Variants in NOS1 observed in about 807,000 individuals in gnomAD.
NOS1 encodes nitric oxide synthase 1.
A neutral mutation model predicts 164.5 loss-of-function variants in NOS1; 51 were observed. That is an observed-to-expected ratio of 0.31 (90% CI 0.25 to 0.39). NOS1 has a LOEUF of 0.39. NOS1 is among the 10% of genes least tolerant of loss of function. The pLI is 1.00. For synonymous variants in NOS1, 719 were observed against 745.8 expected (o/e 0.96, Z 0.59); for missense variants, 1,362 against 1,885.6 (o/e 0.72, Z 5.14).
At chr12:117,228,643 C>T (rs912270793) in intron 22 of NOS1, among the ~76,000 whole-genome samples, 1 of 152,170 alleles carries the variant, frequency 6.6e-6, no homozygotes, top group Non-Finnish European at 1.5e-5. Context: ...TCTCAGAAGA[C>T]GCCCTAGGCA....
chr12:117,212,932 A>T lies in NOS1; in HGVS notation c.*2377T>A. The T allele has an allele frequency of 4.1e-6, 4 of 985,446 alleles. No homozygotes were observed. The highest frequency in any genetic ancestry group is 4.8e-6 in the Non-Finnish European group (4 of 829,932). The allele number at this position is 985,446 out of a possible 1,614,324, so 61.0% of individuals were successfully genotyped here. A position where few individuals can be genotyped will look rare whatever the true frequency, so the allele number is the denominator to read the frequency against. On this transcript the variant is annotated 3_prime_UTR_variant, in exon 29 of 29. Transcript: ENST00000317775. ...CCTGCCTTCTAGCCTGGAGTTGTGA[A>T]GCAGCTTGTGTTGGGGATTGAAAGG...
intron 3 of NOS1, among the ~76,000 whole-genome samples, chr12:117,294,484 C>T (rs1358232004): frequency 2.0e-5 from 3 of 152,146 alleles, no homozygotes; most frequent in Non-Finnish European, 2.9e-5. Flanking sequence ...CTGGATTGCA[C>T]ACTTGAAACC....
At chr12:117,226,508 T>C (rs1359214481) in intron 24 of NOS1, among the ~76,000 whole-genome samples, 175 bp downstream of exon 24, 1 of 152,220 alleles carries the variant, frequency 6.6e-6, no homozygotes, top group East Asian at 1.9e-4. Context: ...CCTAGCTTGC[T>C]GTGCTGCTCT....
At chr12:117,255,906 C>T (rs1871401322) in intron 16 of NOS1, 2 of 1,403,736 alleles carry the variant, frequency 1.4e-6, no homozygotes, top group African/African-American at 1.5e-5. Flanking sequence ...CACTCGCACA[C>T]ACCTGCGTGT....
chr12:117,290,719 A>T (rs1296693591), intron 3 of NOS1, among the ~76,000 whole-genome samples: 1 of 152,136 alleles, frequency 6.6e-6, no homozygotes, highest in Admixed American at 6.5e-5. Flanking sequence ...GGTCGGACAC[A>T]CTGAGGAAGG....
At position 117,210,744 on chromosome 12, in the gene NOS1, G is replaced by A; in HGVS notation, c.*4565C>T. ...CAGGCAGCTGCTGAAAGCGTGTTTG[G>A]TCAGAAGATTCTGTGTTCTTAGCCA... On this transcript the variant is annotated 3_prime_UTR_variant, in exon 29 of 29. Transcript: ENST00000317775. 3 of 985,332 alleles carry A rather than the reference G, an allele frequency of 3.0e-6. No individual in the cohort carries two copies. Among genetic ancestry groups the A allele is most frequent in the Non-Finnish European group, 3.6e-6 (3 of 829,962 alleles). The allele number at this position is 985,332 out of a possible 1,614,324, so 61.0% of individuals were successfully genotyped here. A position where few individuals can be genotyped will look rare whatever the true frequency, so the allele number is the denominator to read the frequency against.
At position 117,264,788 on chromosome 12, in the gene NOS1, C is replaced by T. The variant is rs373569309; in HGVS notation, c.2136+528G>A. Reference sequence around the variant, plus strand: ...AGGCTGGAGTTCAGTGGCTTGATATCGGCTCACTGCAACCTCCACCTCCTG... The same window carrying T: ...AGGCTGGAGTTCAGTGGCTTGATATTGGCTCACTGCAACCTCCACCTCCTG... On this transcript the variant is annotated intron_variant, in intron 12 of 28. Transcript: ENST00000317775. 1.3e-3 allele frequency among the ~76,000 whole-genome samples: 204 copies of T among 151,234 alleles called. No individual in the cohort carries two copies. In the Middle Eastern group the frequency reaches 0.02, roughly 15 times the overall value.
At chr12:117,314,248 G>C (rs1475466229) in intron 2 of NOS1, among the ~76,000 whole-genome samples, 1 of 152,146 alleles carries the variant, frequency 6.6e-6, no homozygotes, top group Non-Finnish European at 1.5e-5. Flanking sequence ...TTGATTACAG[G>C]CATTTCCCAA....
rs752437630 is a variant in NOS1 at position 117,253,615 on chromosome 12, G to A, written c.2648+23C>T. On this transcript the variant is annotated intron_variant, in intron 17 of 28. Transcript: ENST00000317775. ...GGAGCCTTAGTCTTCCCTGACCCCC[G>A]ACCCCCTTATCCCCTTGCTCACCTC... The A allele has an allele frequency of 3.9e-5, 60 of 1,547,992 alleles. No individual in the cohort carries two copies. The Admixed American group carries it at 6.9e-4, about 18-fold the overall frequency.
At chr12:117,251,695 T>C (rs1016984161) in intron 17 of NOS1, among the ~76,000 whole-genome samples, 1 of 151,316 alleles carries the variant, frequency 6.6e-6, no homozygotes, top group Non-Finnish European at 1.5e-5. Flanking sequence ...CCTCCCAAAG[T>C]GCTGGGATGG....
intron 1 of NOS1, among the ~76,000 whole-genome samples, chr12:117,345,238 G>A (rs750661104): frequency 6.6e-6 from 1 of 152,104 alleles, no homozygotes; most frequent in African/African-American, 2.4e-5. Flanking sequence ...GGCCAGGCTG[G>A]TCTCAAACCC....
intron 14 of NOS1, 111 bp downstream of exon 14, chr12:117,260,354 G>A (rs1871802098): frequency 1.7e-6 from 2 of 1,183,396 alleles, no homozygotes; most frequent in Non-Finnish European, 2.4e-6. Context: ...GCCCTGTCAG[G>A]TGTGCTTTCA....
chr12:117,342,608 C>T (rs763773429), intron 1 of NOS1, among the ~76,000 whole-genome samples: 2 of 152,056 alleles, frequency 1.3e-5, no homozygotes, highest in Non-Finnish European at 2.9e-5. Flanking sequence ...TCATCAGGGG[C>T]TGGATCATCA....
At chr12:117,216,445 G>A (rs1225626153) in intron 28 of NOS1, among the ~76,000 whole-genome samples, 2 of 151,960 alleles carry the variant, frequency 1.3e-5, no homozygotes, top group Non-Finnish European at 2.9e-5. Flanking sequence ...GCCTCCCGAA[G>A]TGCTGGGATT....
chr12:117,283,058 T>A (rs7977360), intron 7 of NOS1, among the ~76,000 whole-genome samples: 2,389 of 29,422 alleles, frequency 0.081, 16 homozygotes, highest in Middle Eastern at 0.14. Flanking sequence ...ATATATATAT[T>A]TTTTTTTTTT....
chr12:117,323,872 C>T (rs1284481406), intron 2 of NOS1, among the ~76,000 whole-genome samples: 2 of 152,154 alleles, frequency 1.3e-5, no homozygotes, highest in Non-Finnish European at 2.9e-5. Flanking sequence ...ATCTCTGCCT[C>T]CCAGGTTCAA....
intron 2 of NOS1, among the ~76,000 whole-genome samples, chr12:117,316,430 C>T (rs1441203087): frequency 6.6e-6 from 1 of 152,168 alleles, no homozygotes; most frequent in Non-Finnish European, 1.5e-5. Flanking sequence ...TACCTTTATA[C>T]TTAAGCTCCC....
chr12:117,295,767 GCAC>G (rs1002077779), intron 3 of NOS1, among the ~76,000 whole-genome samples: 8 of 151,110 alleles, frequency 5.3e-5, no homozygotes, highest in African/African-American at 1.9e-4. Flanking sequence ...TTACAGGCAT[GCAC>G]CACCATGCCT....
In NOS1 at chr12:117,330,579, T is replaced by C. The variant is rs867933611; in HGVS notation, c.491A>G (p.Asp164Gly). 7 of 1,613,106 alleles carry C rather than the reference T, an allele frequency of 4.3e-6. No homozygotes were observed. Among genetic ancestry groups the C allele is most frequent in the African/African-American group, 1.3e-5 (1 of 75,024 alleles). Residue 164 changes from aspartate to glycine, a missense_variant, in exon 2 of 29, where the codon GAT becomes GGT. This residue lies in a region of NOS1 where 362 missense variants were observed against 402.0 expected (regional missense o/e 0.90). Transcript: ENST00000317775. This position sits in a 1 kb window ranked among gnomAD's most constrained non-coding sequence, Gnocchi z 4.6. Reference sequence around the variant, plus strand: ...GAGTGAGCCAGCCTCCTGCCCATCATCGTAGGCATGCTGAGGCCCATTCCC... The same window carrying C: ...GAGTGAGCCAGCCTCCTGCCCATCACCGTAGGCATGCTGAGGCCCATTCCC... ...GPGNGPQHAYDDGQEAGSLPH... is the reference protein window; with the variant it reads ...GPGNGPQHAYGDGQEAGSLPH...
Sources: gnomAD v4.1 joint callset for allele counts (sites outside exome capture counted in the v4.1 genomes callset) on GRCh38, gnomAD v4.1.1 for gene constraint, gnomAD v4.1.1 regional missense constraint, Gnocchi (gnomAD v3.1) non-coding constraint, MANE v1.5 for transcripts, NCBI Gene and HGNC (gene_info 2026-07-23, HGNC 2026-07-21) for gene names.